Variants in CD200R1 observed in about 807,000 individuals in gnomAD.
CD200R1 encodes cell surface glycoprotein CD200 receptor 1.
CD200R1 carries 30 observed loss-of-function variants against 38.1 expected under a neutral mutation model. That is an observed-to-expected ratio of 0.79 (90% CI 0.59 to 1.07). CD200R1 has a LOEUF of 1.07. CD200R1 is among the 50% of genes least tolerant of loss of function. The probability of loss-of-function intolerance (pLI) is 0.00; values close to 1 mark genes in which losing one functional copy is unlikely to be tolerated. For missense variants in CD200R1, 372 were observed against 415.4 expected, an observed-to-expected ratio of 0.90 and a Z score of 0.91; for synonymous variants, 128 against 152.1, an observed-to-expected ratio of 0.84 and a Z score of 1.16.
At chr3:112,924,988 T>A (rs961222202) in intron 6 of CD200R1, 97 bp downstream of exon 6, 1 of 730,874 alleles carries the variant, frequency 1.4e-6, no homozygotes, top group African/African-American at 1.8e-5. Context: ...GATTTGATGT[T>A]AACATCCTAA....
chr3:112,966,712 A>T (rs531924748), intron 1 of CD200R1, among the ~76,000 whole-genome samples: 1 of 152,336 alleles, frequency 6.6e-6, no homozygotes, highest in South Asian at 2.1e-4. Flanking sequence ...GAATTTTCTC[A>T]AATAATATCC....
intron 1 of CD200R1, among the ~76,000 whole-genome samples, chr3:112,955,494 T>C (rs1477665207): frequency 1.3e-5 from 2 of 151,724 alleles, no homozygotes; most frequent in African/African-American, 4.8e-5. Context: ...TAAAGACCTT[T>C]TTGGTCTCTC....
chr3:112,954,916 G>A (rs1439047615), intron 1 of CD200R1, among the ~76,000 whole-genome samples: 2 of 152,178 alleles, frequency 1.3e-5, no homozygotes, highest in Non-Finnish European at 2.9e-5. Flanking sequence ...TCAGTCAGAA[G>A]CACAGGAAAA....
At chr3:112,941,242 C>T (rs1387921456) in intron 2 of CD200R1, among the ~76,000 whole-genome samples, 1 of 151,568 alleles carries the variant, frequency 6.6e-6, no homozygotes, top group Non-Finnish European at 1.5e-5. Flanking sequence ...TTTTATAGTA[C>T]TGTAGGATGA....
intron 1 of CD200R1, among the ~76,000 whole-genome samples, chr3:112,966,456 A>T (rs1933164593): frequency 6.6e-6 from 1 of 152,250 alleles, no homozygotes; most frequent in Non-Finnish European, 1.5e-5. Flanking sequence ...GAATAAAAAT[A>T]GCTAGATTTT....
intron 1 of CD200R1, among the ~76,000 whole-genome samples, chr3:112,967,701 A>G (rs78661547): frequency 0.11 from 16,472 of 152,186 alleles, 1,107 homozygotes; most frequent in East Asian, 0.18. Context: ...CTAAGCAAGA[A>G]TCTCAAACAT....
Position 112,929,050 on chromosome 3 carries a change from T to A in CD200R1, c.535A>T (p.Thr179Ser), listed in dbSNP as rs750072895. The A allele has an allele frequency of 6.2e-7, 1 of 1,613,846 alleles. No homozygotes were observed. The highest frequency in any genetic ancestry group is 8.5e-7 in the Non-Finnish European group (1 of 1,179,990). Residue 179 changes from threonine (T) to serine (S), a missense_variant, in exon 5 of 8, where the codon ACC (threonine) becomes TCC (serine). Coordinates refer to ENST00000308611, the MANE Select transcript of CD200R1 (RefSeq NM_138806.4). The stretch of plus-strand genomic sequence containing the variant: ...GTTCTATTCCTGTTTTGAAACAGGG[T>A]CACTTCAGGTGTAACTGCAGAGAGG... ...HLQVLVTPEV[T>S]LFQNRNRTAV...
Position 112,929,786 on chromosome 3 carries a change from A to G in CD200R1, c.203-279T>C, listed in dbSNP as rs1044491196. On this transcript the variant is annotated intron_variant, in intron 3 of 7. Transcript: ENST00000308611. Reference sequence around the variant, plus strand: ...AATGGAGAAGTTTTAATATCTAGAAACAAAGAGAATTGTAAATTAAACAAC... The same window carrying G: ...AATGGAGAAGTTTTAATATCTAGAAGCAAAGAGAATTGTAAATTAAACAAC... Among the ~76,000 whole-genome samples the G allele has an allele frequency of 8.5e-5, 13 of 152,246 alleles. No individual in the cohort carries two copies. The East Asian group carries it at 2.5e-3, about 29-fold the overall frequency.
chr3:112,943,284 T>TGTA (rs2107319762), intron 2 of CD200R1, among the ~76,000 whole-genome samples: 1 of 151,914 alleles, frequency 6.6e-6, no homozygotes, highest in East Asian at 1.9e-4. Flanking sequence ...TGCCTGCTTT[T>TGTA]AGACCATGAT....
At chr3:112,943,582 G>C (rs887021782) in intron 2 of CD200R1, among the ~76,000 whole-genome samples, 1 of 151,442 alleles carries the variant, frequency 6.6e-6, no homozygotes, top group East Asian at 1.9e-4. Flanking sequence ...GAAAATAGAA[G>C]AGCAAATTAA....
chr3:112,928,592 T>C (rs1162074699), intron 5 of CD200R1, among the ~76,000 whole-genome samples: 3 of 152,168 alleles, frequency 2.0e-5, no homozygotes, highest in Non-Finnish European at 4.4e-5. Flanking sequence ...AGCATAGAAG[T>C]GAACATTAAT....
Position 112,931,204 on chromosome 3 carries a change from C to A in CD200R1, c.137-33G>T. 3 of 1,380,578 alleles carry A rather than the reference C, an allele frequency of 2.2e-6. No homozygotes were observed. The South Asian group carries it at 3.5e-5, about 16-fold the overall frequency. 85.5% of individuals were successfully genotyped at this position (1,380,578 alleles called of 1,614,324 possible). A position where few individuals can be genotyped will look rare whatever the true frequency, so the allele number is the denominator to read the frequency against. On this transcript the variant is annotated intron_variant, in intron 2 of 7. Coordinates refer to ENST00000308611, the MANE Select transcript of CD200R1 (RefSeq NM_138806.4). ...ATATTTAGAGAAGAATAAATGAAAT[C>A]AATTTTATGTACTCAGAGTGGAAGC...
At position 112,931,122 on chromosome 3, in the gene CD200R1, C is replaced by T. The variant is rs374229443; in HGVS notation, c.186G>A (p.Ser62=). 59 of 1,610,066 alleles carry T rather than the reference C, an allele frequency of 3.7e-5. No individual in the cohort carries two copies. Among genetic ancestry groups the T allele is most frequent in the Non-Finnish European group, 4.4e-5 (52 of 1,176,472 alleles). ...GCATATTACCTTCTGCGAGTACTTTCGAGTAGTTCTGTGTAATCTGTTTTT... is the reference window on the plus strand; with the variant it reads ...GCATATTACCTTCTGCGAGTACTTTTGAGTAGTTCTGTGTAATCTGTTTTT... ...MDEKQITQNY[S]KVLAEVNTSW... is the part of the protein sequence containing the mutation. The change falls in exon 3 of 8, where the codon TCG becomes TCA. Residue 62 remains serine, a synonymous_variant. Transcript: ENST00000308611.
chr3:112,941,352 T>A (rs1940724769), intron 2 of CD200R1, among the ~76,000 whole-genome samples: 1 of 151,700 alleles, frequency 6.6e-6, no homozygotes, highest in South Asian at 2.1e-4. Flanking sequence ...GATATGCCAA[T>A]TACCATGATC....
chr3:112,932,837 C>T (rs1317116734), intron 2 of CD200R1, among the ~76,000 whole-genome samples: 1 of 152,064 alleles, frequency 6.6e-6, no homozygotes, highest in African/African-American at 2.4e-5. Flanking sequence ...CACAAGCTCA[C>T]TGTTGGCAAA....
intron 1 of CD200R1, among the ~76,000 whole-genome samples, chr3:112,954,794 T>C (rs1054035831): frequency 2.6e-5 from 4 of 152,174 alleles, no homozygotes; most frequent in Admixed American, 2.0e-4. Flanking sequence ...TTGTAATATC[T>C]TTCATAATAA....
At chr3:112,932,458 C>A (rs1940467849) in intron 2 of CD200R1, among the ~76,000 whole-genome samples, 1 of 152,100 alleles carries the variant, frequency 6.6e-6, no homozygotes, top group African/African-American at 2.4e-5. Context: ...TAACCCTAGG[C>A]CAGCTGAGTG....
chr3:112,966,109 T>C (rs1393973638), intron 1 of CD200R1, among the ~76,000 whole-genome samples: 1 of 152,150 alleles, frequency 6.6e-6, no homozygotes, highest in African/African-American at 2.4e-5. Context: ...TTACCATCTG[T>C]GGACATTAAA....
chr3:112,936,317 C>T (rs1025363948), intron 2 of CD200R1, among the ~76,000 whole-genome samples: 5 of 152,054 alleles, frequency 3.3e-5, no homozygotes, highest in African/African-American at 1.2e-4. Flanking sequence ...GGGTATATAC[C>T]CAGTAATCAG....
Sources: allele counts gnomAD v4.1 joint callset (sites outside exome capture counted in the v4.1 genomes callset), GRCh38; gene constraint gnomAD v4.1.1; transcripts MANE v1.5; gene names NCBI Gene and HGNC (gene_info 2026-07-23, HGNC 2026-07-21).